The following NUP37 variants were observed in gnomAD, a reference collection of about 807,000 sequenced individuals.
NUP37 encodes nucleoporin Nup37.
Under a neutral mutation model 45.4 loss-of-function variants are expected in NUP37, and 33 were observed. That is an observed-to-expected ratio of 0.73 (90% CI 0.55 to 0.97). The LOEUF is 0.97. Ranked by LOEUF, NUP37 falls within the 50% of genes least tolerant of loss-of-function variation. The pLI is 0.00. For synonymous variants in NUP37, 127 were observed against 130.7 expected, an observed-to-expected ratio of 0.97 and a Z score of 0.19; for missense variants, 365 against 389.7, an observed-to-expected ratio of 0.94 and a Z score of 0.53.
At chr12:102,104,966 T>C (rs184964996) in intron 3 of NUP37, among the ~76,000 whole-genome samples, 5 of 152,348 alleles carry the variant, frequency 3.3e-5, no homozygotes, top group Admixed American at 3.3e-4. Context: ...CTTTTCTGTT[T>C]CTGTAAAAAG....
intron 9 of NUP37, 44 bp downstream of exon 9, chr12:102,074,957 A>T (rs757508167): frequency 2.5e-5 from 6 of 240,532 alleles, no homozygotes; most frequent in Non-Finnish European, 4.2e-5. Context: ...AACACAAATT[A>T]AAAAAAAAAA....
chr12:102,089,504 G>A (rs1879581606), intron 5 of NUP37, among the ~76,000 whole-genome samples: 3 of 147,018 alleles, frequency 2.0e-5, no homozygotes. Flanking sequence ...CAGCCAGGCA[G>A]AGACGCTCCT....
Position 102,099,463 on chromosome 12 carries a change from C to A in NUP37, c.355-263G>T, listed in dbSNP as rs201555524. Among the ~76,000 whole-genome samples, 38 of 152,284 alleles carry A rather than the reference C, an allele frequency of 2.5e-4. No individual in the cohort carries two copies. In the East Asian group the frequency reaches 3.7e-3, roughly 15 times the overall value. ...TATGCATTTCTTACAAAAACACACA[C>A]ACACACACATTTTTATTGTACCTGT... On this transcript the variant is annotated intron_variant, in intron 4 of 9. Coordinates refer to ENST00000552283, the MANE Select transcript of NUP37 (RefSeq NM_024057.4).
chr12:102,119,789 G>GC (rs938845451), intron 1 of NUP37, among the ~76,000 whole-genome samples: 6 of 152,194 alleles, frequency 3.9e-5, no homozygotes, highest in African/African-American at 1.4e-4. Context: ...GCTCATTAAA[G>GC]CAGTGGCCGG....
chr12:102,078,165 T>TA (rs781351728), intron 6 of NUP37, among the ~76,000 whole-genome samples: 3,379 of 134,918 alleles, frequency 0.025, 114 homozygotes, highest in African/African-American at 0.083. Context: ...CCGTCTCTAC[T>TA]AAAAAAAAAA....
chr12:102,095,650 G>GAA (rs1422093165), intron 5 of NUP37, among the ~76,000 whole-genome samples: 1 of 151,960 alleles, frequency 6.6e-6, no homozygotes, highest in Non-Finnish European at 1.5e-5. Context: ...TCTTCATCAA[G>GAA]ATATATACTT....
At chr12:102,088,335 T>C (rs147298033) in intron 5 of NUP37, among the ~76,000 whole-genome samples, 13 of 152,326 alleles carry the variant, frequency 8.5e-5, no homozygotes, top group Middle Eastern at 6.8e-3. Context: ...TAGTCACTTT[T>C]TTTTGGGTAA....
At chr12:102,099,681 G>A (rs1879917253) in intron 4 of NUP37, among the ~76,000 whole-genome samples, 1 of 152,190 alleles carries the variant, frequency 6.6e-6, no homozygotes, top group African/African-American at 2.4e-5. Context: ...CATGCTCAAT[G>A]TGACTGCTAG....
At chr12:102,089,015 CG>C (rs1879561349) in intron 5 of NUP37, among the ~76,000 whole-genome samples, 1 of 152,054 alleles carries the variant, frequency 6.6e-6, no homozygotes, top group Non-Finnish European at 1.5e-5. Context: ...TCAGAGAGCA[CG>C]GGGTTGGGGG....
At chr12:102,119,085 CT>C (rs1187351674) in intron 1 of NUP37, 1 of 152,300 alleles carries the variant, frequency 6.6e-6, no homozygotes, top group Admixed American at 6.5e-5. Context: ...ATTTGGAAGA[CT>C]TCATTGTGTG....
intron 5 of NUP37, among the ~76,000 whole-genome samples, chr12:102,096,073 C>G (rs1879795238): frequency 6.6e-6 from 1 of 152,060 alleles, no homozygotes; most frequent in African/African-American, 2.4e-5. Flanking sequence ...TTATTATTCT[C>G]TTTGTTTTCC....
Position 102,099,135 on chromosome 12 carries a change from A to G in NUP37, c.420T>C (p.Ile140=). The change falls in exon 5 of 10, where the codon ATT becomes ATC. Residue 140 remains isoleucine, a synonymous_variant. Transcript: ENST00000552283. ...LVFDPKEGQE[I]ASVSDDHTCR... ...AGGTGTGATCGTCACTCACACTTGC[A>G]ATTTCTTGGCCTTCTTTGGGATCAA... 1 of 1,613,732 alleles carries G rather than the reference A, an allele frequency of 6.2e-7. No individual in the cohort carries two copies. Among genetic ancestry groups the G allele is most frequent in the African/African-American group, 1.3e-5 (1 of 75,034 alleles).
chr12:102,079,262 T>G (rs570452347), intron 6 of NUP37: 1 of 455,664 alleles, frequency 2.2e-6, no homozygotes, highest in Non-Finnish European at 4.4e-6. Flanking sequence ...ACTTACTGTA[T>G]GGCTAAAATG....
intron 6 of NUP37, among the ~76,000 whole-genome samples, chr12:102,080,951 G>C (rs1226383429): frequency 6.6e-6 from 1 of 152,204 alleles, no homozygotes; most frequent in Non-Finnish European, 1.5e-5. Context: ...CCTGAGCCTG[G>C]TCCGAAGGTA....
rs370611229 is a variant in NUP37 at position 102,074,470 on chromosome 12, A to G, written c.868-3T>C. ...GCTACAGAACCCATGAGGATGGGCTATAAAATATGTGAAGAATTAAAGAAG... is the reference window on the plus strand; with the variant it reads ...GCTACAGAACCCATGAGGATGGGCTGTAAAATATGTGAAGAATTAAAGAAG... On this transcript the variant is annotated splice_region_variant and splice_polypyrimidine_tract_variant and intron_variant, in intron 9 of 9. Coordinates refer to ENST00000552283, the MANE Select transcript of NUP37 (RefSeq NM_024057.4). 5 of 1,564,038 alleles carry G rather than the reference A, an allele frequency of 3.2e-6. No individual in the cohort carries two copies. The African/African-American group carries it at 6.8e-5, about 21-fold the overall frequency.
chr12:102,092,682 G>T (rs1879689526), intron 5 of NUP37, among the ~76,000 whole-genome samples: 1 of 152,128 alleles, frequency 6.6e-6, no homozygotes, highest in African/African-American at 2.4e-5. Flanking sequence ...GTTCAGAGGT[G>T]GGGAACCATG....
At chr12:102,119,349 T>C (rs974862619) in intron 1 of NUP37, 3 of 141,674 alleles carry the variant, frequency 2.1e-5, no homozygotes, top group African/African-American at 8.0e-5. Context: ...CAAACCACCA[T>C]AGCACACGTT....
intron 5 of NUP37, among the ~76,000 whole-genome samples, chr12:102,087,112 A>AC (rs1879493945): frequency 6.6e-6 from 1 of 152,126 alleles, no homozygotes; most frequent in South Asian, 2.1e-4. Flanking sequence ...ACAACAACAA[A>AC]AACCAACAAT....
At chr12:102,082,093 G>A (rs939152981) in intron 6 of NUP37, among the ~76,000 whole-genome samples, 1 of 152,034 alleles carries the variant, frequency 6.6e-6, no homozygotes, top group Non-Finnish European at 1.5e-5. Context: ...TGAATCCTTG[G>A]TCCTGTTATT....
Sources: gnomAD v4.1 joint callset for allele counts (sites outside exome capture counted in the v4.1 genomes callset) on GRCh38, gnomAD v4.1.1 for gene constraint, MANE v1.5 for transcripts, NCBI Gene and HGNC (gene_info 2026-07-23, HGNC 2026-07-21) for gene names.